GIGYF2: variants seen among roughly 807,000 people sequenced by gnomAD.
GIGYF2 encodes the protein GRB10 interacting GYF protein 2, also known as GRB10-interacting GYF protein 2.
Under a neutral mutation model 208.1 loss-of-function variants are expected in GIGYF2, and 25 were observed. The observed-to-expected ratio is 0.12, with a 90% CI of 0.09 to 0.17. The LOEUF is 0.17. Ranked by LOEUF, GIGYF2 falls within the 10% of genes least tolerant of loss-of-function variation. The pLI, the probability that GIGYF2 is intolerant of heterozygous loss-of-function variation, is 1.00. For missense variants in GIGYF2, 1,302 were observed against 1,579.4 expected, an observed-to-expected ratio of 0.82 and a Z score of 2.98; for synonymous variants, 534 against 543.8, an observed-to-expected ratio of 0.98 and a Z score of 0.25.
rs58602448 is a variant in GIGYF2, at chr2:232,753,097, GTATTTATTTATTTATT to G, written c.268-3097_268-3082del. On this transcript the variant is annotated intron_variant, in intron 5 of 28. Coordinates refer to ENST00000373563, the MANE Select transcript of GIGYF2 (RefSeq NM_001103146.3). Reference sequence around the variant, plus strand: ...TGTGCACACAGTTCTACACTTGACAGTATTTATTTATTTATTTATTTATTTATTTATTTATTTATTT... The same window carrying G: ...TGTGCACACAGTTCTACACTTGACAGTATTTATTTATTTATTTATTTATTT... Among the ~76,000 whole-genome samples, 542 of 143,390 alleles carry G rather than the reference GTATTTATTTATTTATT, an allele frequency of 3.8e-3. 4 individuals are homozygous for G. The highest frequency in any genetic ancestry group is 0.013 in the African/African-American group (513 of 39,002). 94.1% of individuals were successfully genotyped at this position (143,390 alleles called of 152,430 possible). A position where few individuals can be genotyped will look rare whatever the true frequency, so the allele number is the denominator to read the frequency against.
chr2:232,706,201 A>G (rs1696103017), intron 2 of GIGYF2, among the ~76,000 whole-genome samples: 1 of 152,194 alleles, frequency 6.6e-6, no homozygotes, highest in African/African-American at 2.4e-5. Flanking sequence ...TTTTTCAGCC[A>G]GGGTTGTTTT....
At chr2:232,804,887 C>T (rs1315338978) in intron 14 of GIGYF2, among the ~76,000 whole-genome samples, 1 of 151,018 alleles carries the variant, frequency 6.6e-6, no homozygotes, top group Non-Finnish European at 1.5e-5. Context: ...TTTTGGGTTT[C>T]TAAGTATTTG....
chr2:232,856,885 CCT>C lies in GIGYF2; in HGVS notation c.*29_*30del. The C allele has an allele frequency of 6.5e-7, 1 of 1,527,402 alleles. No homozygotes were observed. The highest frequency in any genetic ancestry group is 9.1e-7 in the Non-Finnish European group (1 of 1,100,712). The allele number at this position is 1,527,402 out of a possible 1,614,324, so 94.6% of individuals were successfully genotyped here. Reference sequence around the variant, plus strand: ...AGCACCTGCCAGTGGACTGGCCATCCCTCTCCTGTCTGCCGACTATGGAGTCT... The same window carrying C: ...AGCACCTGCCAGTGGACTGGCCATCCCTCCTGTCTGCCGACTATGGAGTCT... On this transcript the variant is annotated 3_prime_UTR_variant, in exon 29 of 29. Coordinates refer to ENST00000373563, the MANE Select transcript of GIGYF2 (RefSeq NM_001103146.3).
chr2:232,768,008 TAG>T lies in GIGYF2; in HGVS notation c.532+6575_532+6576del, dbSNP rs758195599. ...TCAGCAGGTAACAAACTTTGTAATG[TAG>T]AGTGTTATGTTTCCAGAATGTGTAT... On this transcript the variant is annotated intron_variant, in intron 8 of 28. Coordinates refer to ENST00000373563, the MANE Select transcript of GIGYF2 (RefSeq NM_001103146.3). The T allele has an allele frequency of 1.4e-4, 88 of 614,876 alleles. No individual in the cohort carries two copies. In the Middle Eastern group the frequency reaches 3.5e-3, roughly 24 times the overall value. 38.1% of individuals were successfully genotyped at this position (614,876 alleles called of 1,614,324 possible). A position where few individuals can be genotyped will look rare whatever the true frequency, so the allele number is the denominator to read the frequency against.
At chr2:232,758,631 G>A (rs1698631565) in intron 6 of GIGYF2, among the ~76,000 whole-genome samples, 5 of 152,250 alleles carry the variant, frequency 3.3e-5, no homozygotes, top group African/African-American at 9.6e-5. Context: ...TAAAGTTTTA[G>A]TATCATTAGC....
At chr2:232,814,865 A>G (rs1454436728) in intron 18 of GIGYF2, among the ~76,000 whole-genome samples, 1 of 152,198 alleles carries the variant, frequency 6.6e-6, no homozygotes, top group Non-Finnish European at 1.5e-5. Flanking sequence ...TTTTATACAG[A>G]CAATATTTGA....
At chr2:232,770,777 T>A in intron 8 of GIGYF2, 1 of 696,676 alleles carries the variant, frequency 1.4e-6, no homozygotes, top group Non-Finnish European at 2.4e-6. Context: ...CATTACCTGC[T>A]ATCAATATAG....
chr2:232,800,141 A>G (rs995567483), intron 14 of GIGYF2, among the ~76,000 whole-genome samples: 6 of 151,170 alleles, frequency 4.0e-5, no homozygotes, highest in African/African-American at 1.5e-4. Flanking sequence ...AAGAAGTCCA[A>G]TTTGTCTATT....
intron 2 of GIGYF2, among the ~76,000 whole-genome samples, chr2:232,707,850 C>T (rs1457133059): frequency 6.6e-6 from 1 of 152,068 alleles, no homozygotes; most frequent in African/African-American, 2.4e-5. Context: ...GTTGGCCAGG[C>T]TGGTCCCGAA....
rs6437074 is a variant in GIGYF2, at chr2:232,847,586, G to A, written c.3684+15G>A. The A allele has an allele frequency of 0.64, 1,034,922 of 1,610,332 alleles. 338,086 individuals carry two copies. The highest frequency in any genetic ancestry group is 0.73 in the Admixed American group (44,068 of 59,992). On this transcript the variant is annotated intron_variant, in intron 27 of 28. Coordinates refer to ENST00000373563, the MANE Select transcript of GIGYF2 (RefSeq NM_001103146.3). ...CACAACAGCAGGTATAAAGTAGTGT[G>A]GTGTATGCGGTACCTCTGAGGATTA...
In GIGYF2 at chr2:232,812,458, TG is replaced by T; in HGVS notation, c.2077del (p.Glu693SerfsTer37). The T allele has an allele frequency of 6.5e-7, 1 of 1,538,762 alleles. No homozygotes were observed. The highest frequency in any genetic ancestry group is 9.0e-7 in the Non-Finnish European group (1 of 1,111,676). Reference protein sequence around the residue: ...SVSVPDTGSIWELQPTASQPT... With the variant: ...SVSVPDTGSIXELQPTASQPT... ...GTCCGTGCCAGATACTGGCTCTATC[TG>T]GGAGCTTCAGCCAACAGCTTCACAG... On this transcript the variant is annotated frameshift_variant, in exon 18 of 29. Transcript: ENST00000373563. LOFTEE classifies it high-confidence loss of function.
At position 232,761,381 on chromosome 2, in the gene GIGYF2, T is replaced by A; in HGVS notation, c.492-15T>A. Reference sequence around the variant, plus strand: ...ACTGTGAGACTTTGTTTGAAACTTATTTTTTCTTTTCCAGGGGTGACAGAC... The same window carrying A: ...ACTGTGAGACTTTGTTTGAAACTTAATTTTTCTTTTCCAGGGGTGACAGAC... On this transcript the variant is annotated splice_polypyrimidine_tract_variant and intron_variant, in intron 7 of 28. Transcript: ENST00000373563. 1 of 1,589,502 alleles carries A rather than the reference T, an allele frequency of 6.3e-7. No homozygotes were observed. Among genetic ancestry groups the A allele is most frequent in the South Asian group, 1.1e-5 (1 of 90,580 alleles).
chr2:232,829,756 T>C (rs1024675750), intron 21 of GIGYF2, among the ~76,000 whole-genome samples: 12 of 152,298 alleles, frequency 7.9e-5, no homozygotes, highest in Admixed American at 7.8e-4. Flanking sequence ...CAGAACTCTC[T>C]CTTTTGACCA....
Position 232,819,931 on chromosome 2 carries a change from G to A in GIGYF2, c.2475G>A (p.Glu825=), listed in dbSNP as rs772438417. The change falls in exon 21 of 29, where the codon GAG becomes GAA. Residue 825 remains glutamate (E), a synonymous_variant. Coordinates refer to ENST00000373563, the MANE Select transcript of GIGYF2 (RefSeq NM_001103146.3). The part of the protein sequence containing the change: ...QQEEALRRLE[E]RRREEEERRK... Reference sequence around the variant, plus strand: ...AAGAAGCTCTTAGAAGACTGGAAGAGAGGAGAAGAGAAGAGGAAGAAAGGC... The same window carrying A: ...AAGAAGCTCTTAGAAGACTGGAAGAAAGGAGAAGAGAAGAGGAAGAAAGGC... 1 of 1,583,766 alleles carries A rather than the reference G, an allele frequency of 6.3e-7. No homozygotes were observed. The highest frequency in any genetic ancestry group is 8.7e-7 in the Non-Finnish European group (1 of 1,152,380).
intron 21 of GIGYF2, among the ~76,000 whole-genome samples, chr2:232,827,496 CTG>C (rs1170618205): frequency 6.6e-6 from 1 of 152,174 alleles, no homozygotes; most frequent in Non-Finnish European, 1.5e-5. Flanking sequence ...TGTTTGTAAT[CTG>C]TGTCCTTTTA....
intron 3 of GIGYF2, among the ~76,000 whole-genome samples, chr2:232,744,423 A>G (rs1270548091): frequency 6.6e-6 from 1 of 152,178 alleles, no homozygotes; most frequent in Non-Finnish European, 1.5e-5. Context: ...TTTGGTGTTA[A>G]GGAAGATATT....
At chr2:232,826,105 T>C (rs1447502798) in intron 21 of GIGYF2, among the ~76,000 whole-genome samples, 1 of 152,216 alleles carries the variant, frequency 6.6e-6, no homozygotes, top group Non-Finnish European at 1.5e-5. Context: ...AGTCTATCAT[T>C]GATGGACATT....
rs1428088822 is a variant in GIGYF2, at chr2:232,860,070, ATAT to A, written c.*3214_*3216del. ...TGGAGAAGAGCTTGTGGGGTGGGAGATATTATAGCCATTTTTGGGAAATATCTG... is the reference window on the plus strand; with the variant it reads ...TGGAGAAGAGCTTGTGGGGTGGGAGATATAGCCATTTTTGGGAAATATCTG... On this transcript the variant is annotated 3_prime_UTR_variant, in exon 29 of 29. Transcript: ENST00000373563. The A allele has an allele frequency of 6.6e-6, 1 of 152,134 alleles. No individual in the cohort carries two copies. The highest frequency in any genetic ancestry group is 2.4e-5 in the African/African-American group (1 of 41,426). The allele number at this position is 152,134 out of a possible 1,614,324, so 9.4% of individuals were successfully genotyped here. A position where few individuals can be genotyped will look rare whatever the true frequency, so the allele number is the denominator to read the frequency against.
At chr2:232,789,994 G>T (rs1185119995) in intron 9 of GIGYF2, among the ~76,000 whole-genome samples, 3 of 152,062 alleles carry the variant, frequency 2.0e-5, no homozygotes, top group African/African-American at 7.2e-5. Flanking sequence ...TGTTATTGTG[G>T]AACAAGCAGC....
Sources: allele counts gnomAD v4.1 joint callset (sites outside exome capture counted in the v4.1 genomes callset), GRCh38; gene constraint gnomAD v4.1.1; transcripts MANE v1.5; gene names NCBI Gene and HGNC (gene_info 2026-07-23, HGNC 2026-07-21).